KIF5A: variants seen among roughly 807,000 people sequenced by gnomAD.
KIF5A encodes kinesin family member 5A, also known as kinesin heavy chain isoform 5A.
In KIF5A, 35 loss-of-function variants were observed where a neutral mutation model predicts 141.3. The ratio of observed to expected loss-of-function variants is 0.25; its 90% CI spans 0.19 to 0.33. The LOEUF is 0.33. KIF5A is among the 10% of genes least tolerant of loss of function. The pLI, the probability that KIF5A is intolerant of heterozygous loss-of-function variation, is 1.00. For missense variants in KIF5A, 861 were observed against 1,314.3 expected (o/e 0.66, Z 5.33); for synonymous variants, 448 against 500.2 (o/e 0.90, Z 1.39).
intron 6 of KIF5A, among the ~76,000 whole-genome samples, chr12:57,565,564 AG>A (rs1165922964): frequency 7.3e-5 from 11 of 151,614 alleles, no homozygotes; most frequent in Admixed American, 6.6e-4. Context: ...GGATCACTTG[AG>A]GAGTTCAAGA....
intron 1 of KIF5A, among the ~76,000 whole-genome samples, chr12:57,560,342 C>A (rs1285516107): frequency 6.6e-6 from 1 of 152,152 alleles, no homozygotes; most frequent in African/African-American, 2.4e-5. Flanking sequence ...ATGATAAACA[C>A]CCTTGTAGCG....
Position 57,550,789 on chromosome 12 carries a change from A to G in KIF5A, c.129+389A>G, listed in dbSNP as rs1881548091. Among the ~76,000 whole-genome samples the G allele has an allele frequency of 6.6e-6, 1 of 152,122 alleles. No homozygotes were observed. The highest frequency in any genetic ancestry group is 1.5e-5 in the Non-Finnish European group (1 of 68,016). On this transcript the variant is annotated intron_variant, in intron 1 of 28. Transcript: ENST00000455537. This position sits in a 1 kb window ranked among gnomAD's most constrained non-coding sequence, Gnocchi z 4.6. ...TCAGATCTCTACCCCCACCTCCCGGAAGGTAAGGCGGAAGACTTTTGGGTG... is the reference window on the plus strand; with the variant it reads ...TCAGATCTCTACCCCCACCTCCCGGGAGGTAAGGCGGAAGACTTTTGGGTG...
rs748119521 is a variant in KIF5A, at chr12:57,569,605, G to C, written c.1039G>C (p.Glu347Gln). ...TGCTGAGCAGTGGAAGAAGAAATAT[G>C]AGAAGGAGAAGGAGAAGACAAAGGC... is the stretch of plus-strand genomic sequence containing the variant. ...LTAEQWKKKYEKEKEKTKAQK... is the reference protein window; with the variant it reads ...LTAEQWKKKYQKEKEKTKAQK... The change falls in exon 11 of 29, where the codon GAG (glutamate) becomes CAG (glutamine). Residue 347 changes from glutamate to glutamine, a missense_variant. Glu to Gln is a conservative substitution (Grantham distance 29, BLOSUM62 2). Coordinates refer to ENST00000455537, the MANE Select transcript of KIF5A (RefSeq NM_004984.4). 1 of 1,614,118 alleles carries C rather than the reference G, an allele frequency of 6.2e-7. No individual in the cohort carries two copies. Among genetic ancestry groups the C allele is most frequent in the South Asian group, 1.1e-5 (1 of 91,086 alleles).
rs1815069736 is a variant in KIF5A, at chr12:57,570,174, C to T, written c.1293+12C>T. On this transcript the variant is annotated intron_variant, in intron 12 of 28. Coordinates refer to ENST00000455537, the MANE Select transcript of KIF5A (RefSeq NM_004984.4). ...AGCTTGACGACAAGGTGAGGGCGGC[C>T]AGGCAGGGCACTGAGGCACGCCAGG... 1.2e-6 allele frequency: 2 copies of T among 1,612,682 alleles called. No individual in the cohort carries two copies. The highest frequency in any genetic ancestry group is 1.7e-4 in the Middle Eastern group (1 of 5,790).
intron 5 of KIF5A, 34 bp downstream of exon 5, chr12:57,564,542 G>C: frequency 6.6e-7 from 1 of 1,514,930 alleles, no homozygotes; most frequent in Admixed American, 1.7e-5. Context: ...GAGGGTGTGT[G>C]AGGAGGGTGG....
At chr12:57,568,071 C>CG (rs1565698095) in intron 8 of KIF5A, among the ~76,000 whole-genome samples, 1 of 151,408 alleles carries the variant, frequency 6.6e-6, no homozygotes, top group African/African-American at 2.4e-5. Context: ...TTAGTAGAGA[C>CG]GGGGTTTCAC....
chr12:57,573,678 A>C (rs1397119021), intron 15 of KIF5A, among the ~76,000 whole-genome samples: 1 of 151,462 alleles, frequency 6.6e-6, no homozygotes, highest in Non-Finnish European at 1.5e-5. Flanking sequence ...AAAAATATAA[A>C]ATTAGCCGGG....
At position 57,550,053 on chromosome 12, in the gene KIF5A, G is replaced by A; in HGVS notation, c.-219G>A. ...CGAGGGGCGGAGAGGCAGAGAGCCC[G>A]AAAGGACCAGACGCCCAGGTCGCCC... On this transcript the variant is annotated 5_prime_UTR_variant, in exon 1 of 29. Transcript: ENST00000455537. This position sits in a 1 kb window ranked among gnomAD's most constrained non-coding sequence, Gnocchi z 4.6. The A allele has an allele frequency of 3.5e-6, 2 of 574,176 alleles. No individual in the cohort carries two copies. Among genetic ancestry groups the A allele is most frequent in the Non-Finnish European group, 6.2e-6 (2 of 323,336 alleles). 35.6% of individuals were successfully genotyped at this position (574,176 alleles called of 1,614,324 possible). A position where few individuals can be genotyped will look rare whatever the true frequency, so the allele number is the denominator to read the frequency against.
chr12:57,569,148 G>T, intron 9 of KIF5A, 81 bp downstream of exon 9: 2 of 1,548,636 alleles, frequency 1.3e-6, no homozygotes. Flanking sequence ...ATATGATCAT[G>T]CCCCAATTCA....
chr12:57,577,701 C>A lies in KIF5A; in HGVS notation c.2301-12C>A. 1 of 1,611,578 alleles carries A rather than the reference C, an allele frequency of 6.2e-7. No individual in the cohort carries two copies. The highest frequency in any genetic ancestry group is 8.5e-7 in the Non-Finnish European group (1 of 1,177,732). ...AGGGATCTTTCCATTTCCCTTATTT[C>A]TCTTGCTACAGATTTCTGTACGAGC... On this transcript the variant is annotated splice_polypyrimidine_tract_variant and intron_variant, in intron 20 of 28. Transcript: ENST00000455537.
At chr12:57,575,010 G>A in intron 15 of KIF5A, 74 bp from the exon 16 acceptor site, 2 of 1,392,858 alleles carry the variant, frequency 1.4e-6, no homozygotes, top group Non-Finnish European at 2.0e-6. Context: ...TGTATGGGTA[G>A]GTAGAAGGTG....
Position 57,576,823 on chromosome 12 carries a change from G to T in KIF5A, c.2261G>T (p.Ser754Ile), listed in dbSNP as rs1882441483. 1.2e-6 allele frequency: 2 copies of T among 1,613,952 alleles called. No individual in the cohort carries two copies. The highest frequency in any genetic ancestry group is 1.7e-6 in the Non-Finnish European group (2 of 1,179,900). The change falls in exon 20 of 29, where the codon AGC (serine) becomes ATC (isoleucine). Residue 754 changes from serine (S) to isoleucine (I), a missense_variant. Coordinates refer to ENST00000455537, the MANE Select transcript of KIF5A (RefSeq NM_004984.4). Reference sequence around the variant, plus strand: ...CAGGCTGACTACGAGAAGCTGAAGAGCGAAGAACACGAGAAGAGCACCAAG... The same window carrying T: ...CAGGCTGACTACGAGAAGCTGAAGATCGAAGAACACGAGAAGAGCACCAAG... ...KLQADYEKLK[S>I]EEHEKSTKLQ...
At position 57,567,534 on chromosome 12, in the gene KIF5A, C is replaced by T. The variant is rs747553716; in HGVS notation, c.630C>T (p.Leu210=). The change falls in exon 8 of 29, where the codon CTC becomes CTT. Residue 210 remains leucine (L), a synonymous_variant. Coordinates refer to ENST00000455537, the MANE Select transcript of KIF5A (RefSeq NM_004984.4). ...EHSSRSHSIF[L]INIKQENMET... The stretch of plus-strand genomic sequence containing the variant: ...GCTCTCGGAGCCACAGCATCTTCCT[C>T]ATCAACATCAAGCAGGAGAACATGG... The T allele has an allele frequency of 1.2e-6, 2 of 1,613,166 alleles. No individual in the cohort carries two copies. Among genetic ancestry groups the T allele is most frequent in the Non-Finnish European group, 1.7e-6 (2 of 1,179,660 alleles).
intron 22 of KIF5A, 59 bp downstream of exon 22, chr12:57,578,139 C>T (rs1022939202): frequency 3.7e-5 from 59 of 1,585,658 alleles, no homozygotes; most frequent in Admixed American, 6.7e-5. Context: ...CCTTAGGTTT[C>T]TCCTGCCCCT....
chr12:57,562,902 G>A (rs1436413319), intron 1 of KIF5A, among the ~76,000 whole-genome samples: 1 of 151,956 alleles, frequency 6.6e-6, no homozygotes, highest in African/African-American at 2.4e-5. Context: ...CCACGACTAA[G>A]ATCCCCTAAC....
intron 23 of KIF5A, among the ~76,000 whole-genome samples, chr12:57,580,302 T>C (rs1882557183): frequency 6.6e-6 from 1 of 152,162 alleles, no homozygotes; most frequent in Non-Finnish European, 1.5e-5. Context: ...TTAATTTCAC[T>C]GGGGGAGGGA....
rs1882287096 is a variant in KIF5A, at chr12:57,572,478, A to G, written c.1570-102A>G. The stretch of plus-strand genomic sequence containing the variant: ...CTTCTGCAGGGCCTGTGTTCTCTTC[A>G]TAGCAGCCCTCAGGGTCTTGCATGA... On this transcript the variant is annotated intron_variant, in intron 14 of 28. Coordinates refer to ENST00000455537, the MANE Select transcript of KIF5A (RefSeq NM_004984.4). This position sits in a 1 kb window ranked among gnomAD's most constrained non-coding sequence, Gnocchi z 4.2. 1 of 1,497,018 alleles carries G rather than the reference A, an allele frequency of 6.7e-7. No individual in the cohort carries two copies. The highest frequency in any genetic ancestry group is 9.2e-7 in the Non-Finnish European group (1 of 1,087,782). The allele number at this position is 1,497,018 out of a possible 1,614,324, so 92.7% of individuals were successfully genotyped here.
At chr12:57,552,855 G>A (rs375457950) in intron 1 of KIF5A, among the ~76,000 whole-genome samples, 6 of 152,024 alleles carry the variant, frequency 3.9e-5, no homozygotes, top group Non-Finnish European at 7.4e-5. Flanking sequence ...TCTCCCCTTC[G>A]CCTCTGCAGC....
Position 57,581,149 on chromosome 12 carries a change from A to G in KIF5A, c.2732A>G (p.Lys911Arg), listed in dbSNP as rs199953180. 2 of 1,613,974 alleles carry G rather than the reference A, an allele frequency of 1.2e-6. No individual in the cohort carries two copies. Among genetic ancestry groups the G allele is most frequent in the Non-Finnish European group, 1.7e-6 (2 of 1,179,972 alleles). ...GCCGTTCGCTACAAGAGCTCGGGCA[A>G]ACGGGGCCATTCTGCCCAGATTGGT... is the stretch of plus-strand genomic sequence containing the variant. ...KEAVRYKSSG[K>R]RGHSAQIAKP... The change falls in exon 24 of 29, where the codon AAA becomes AGA. Residue 911 changes from lysine to arginine, a missense_variant. By Grantham distance (26) the Lys-to-Arg change is conservative. This residue lies in a region of KIF5A where 482 missense variants were observed against 661.3 expected (regional missense o/e 0.73). Coordinates refer to ENST00000455537, the MANE Select transcript of KIF5A (RefSeq NM_004984.4).
Sources: allele counts gnomAD v4.1 joint callset (sites outside exome capture counted in the v4.1 genomes callset), GRCh38; gene constraint gnomAD v4.1.1; regional missense constraint gnomAD v4.1.1; non-coding constraint Gnocchi (gnomAD v3.1); transcripts MANE v1.5; gene names NCBI Gene and HGNC (gene_info 2026-07-23, HGNC 2026-07-21).